The following GAP43 variants were observed in gnomAD, a reference collection of about 807,000 sequenced individuals.
GAP43 encodes the protein neuromodulin.
A neutral mutation model predicts 18.6 loss-of-function variants in GAP43; 6 were observed. The ratio of observed to expected loss-of-function variants is 0.32; its 90% confidence interval spans 0.18 to 0.64. The LOEUF (loss-of-function observed/expected upper bound fraction) is 0.64, where lower values mean the gene tolerates loss of function less well. GAP43 is among the 30% of genes least tolerant of loss of function. GAP43 has a pLI of 0.78. For missense variants in GAP43, 292 were observed against 295.5 expected (o/e 0.99, Z 0.09); for synonymous variants, 115 against 111.4 (o/e 1.03, Z -0.20).
chr3:115,668,240 G>A (rs540781940), intron 1 of GAP43, among the ~76,000 whole-genome samples: 20 of 152,192 alleles, frequency 1.3e-4, no homozygotes, highest in African/African-American at 4.6e-4. Flanking sequence ...CATGATTAAC[G>A]TGCCTCATCG....
chr3:115,684,803 G>A (rs1295381802), intron 2 of GAP43, among the ~76,000 whole-genome samples: 1 of 152,082 alleles, frequency 6.6e-6, no homozygotes. Flanking sequence ...GCTAATTAGG[G>A]GAACATTATC....
intron 1 of GAP43, among the ~76,000 whole-genome samples, chr3:115,648,730 A>G (rs1200393131): frequency 6.6e-6 from 1 of 152,122 alleles, no homozygotes; most frequent in East Asian, 1.9e-4. Context: ...GAAAAGAGCT[A>G]AGAGAAGGGC....
intron 2 of GAP43, among the ~76,000 whole-genome samples, chr3:115,707,772 G>T (rs1709383076): frequency 6.6e-6 from 1 of 152,102 alleles, no homozygotes. Flanking sequence ...CAAAAAAATG[G>T]AGAATGATGG....
intron 2 of GAP43, among the ~76,000 whole-genome samples, chr3:115,689,827 CA>C (rs1280234553): frequency 6.6e-6 from 1 of 151,906 alleles, no homozygotes; most frequent in African/African-American, 2.4e-5. Flanking sequence ...AGAAATCGAT[CA>C]GGGGAGGCAG....
At chr3:115,684,807 C>T (rs1437337262) in intron 2 of GAP43, among the ~76,000 whole-genome samples, 1 of 152,144 alleles carries the variant, frequency 6.6e-6, no homozygotes, top group Non-Finnish European at 1.5e-5. Context: ...ATTAGGGGAA[C>T]ATTATCCAGG....
chr3:115,661,784 A>G (rs996183124), intron 1 of GAP43, among the ~76,000 whole-genome samples: 17 of 142,530 alleles, frequency 1.2e-4, no homozygotes, highest in African/African-American at 4.2e-4. Flanking sequence ...CACCGCACCC[A>G]GCAATATGAC....
chr3:115,641,428 A>G (rs1708394123), intron 1 of GAP43, among the ~76,000 whole-genome samples: 1 of 151,504 alleles, frequency 6.6e-6, no homozygotes, highest in Non-Finnish European at 1.5e-5. Flanking sequence ...GTGCATATAT[A>G]TACACACAGA....
chr3:115,681,910 G>A (rs1299217045), intron 2 of GAP43, among the ~76,000 whole-genome samples: 1 of 152,182 alleles, frequency 6.6e-6, no homozygotes, highest in Non-Finnish European at 1.5e-5. Flanking sequence ...CAAACCCTGA[G>A]AGTCTGAGAG....
intron 2 of GAP43, among the ~76,000 whole-genome samples, chr3:115,683,147 G>GCGCGCACACA (rs1252333447): frequency 1.3e-3 from 168 of 127,436 alleles, no homozygotes; most frequent in South Asian, 3.3e-3. Flanking sequence ...GCGCGCGCGC[G>GCGCGCACACA]CACACACACA....
chr3:115,716,717 AATATATATAT>A (rs3995850), intron 2 of GAP43, among the ~76,000 whole-genome samples: 2,512 of 43,774 alleles, frequency 0.057, 74 homozygotes, highest in South Asian at 0.12. Flanking sequence ...ATCTCAGACA[AATATATATAT>A]ATATATATAT....
intron 1 of GAP43, among the ~76,000 whole-genome samples, chr3:115,670,453 C>T (rs551749836): frequency 5.3e-5 from 8 of 152,198 alleles, no homozygotes; most frequent in East Asian, 3.9e-4. Flanking sequence ...GCACCGAAAC[C>T]GGCAGTGACA....
chr3:115,712,443 T>C (rs1709453514), intron 2 of GAP43, among the ~76,000 whole-genome samples: 1 of 152,112 alleles, frequency 6.6e-6, no homozygotes, highest in South Asian at 2.1e-4. Flanking sequence ...CTATTAAAAC[T>C]TGGCAGCTAG....
At chr3:115,690,204 C>T (rs1421238960) in intron 2 of GAP43, among the ~76,000 whole-genome samples, 1 of 152,152 alleles carries the variant, frequency 6.6e-6, no homozygotes, top group Non-Finnish European at 1.5e-5. Context: ...GGGCACAGCT[C>T]CCCTAGGAGA....
At chr3:115,664,929 G>A (rs180896907) in intron 1 of GAP43, among the ~76,000 whole-genome samples, 4 of 152,124 alleles carry the variant, frequency 2.6e-5, no homozygotes, top group Admixed American at 2.6e-4. Flanking sequence ...TTCTACATGT[G>A]GAAGAATACA....
At chr3:115,640,044 GAAAT>G (rs1708376893) in intron 1 of GAP43, among the ~76,000 whole-genome samples, 1 of 151,980 alleles carries the variant, frequency 6.6e-6, no homozygotes, top group South Asian at 2.1e-4. Context: ...TTTTTTTCAG[GAAAT>G]GTTAGTCTAA....
intron 1 of GAP43, chr3:115,663,728 C>T: frequency 6.5e-7 from 1 of 1,543,122 alleles, no homozygotes; most frequent in East Asian, 2.4e-5. Context: ...GACAGCTCTA[C>T]AGCCTAGTCT....
At chr3:115,674,649 G>T (rs28399385) in intron 1 of GAP43, among the ~76,000 whole-genome samples, 16 of 152,180 alleles carry the variant, frequency 1.1e-4, no homozygotes, top group African/African-American at 3.9e-4. Flanking sequence ...AGGAGAAACA[G>T]TGTTTCCCAT....
intron 1 of GAP43, among the ~76,000 whole-genome samples, chr3:115,654,510 C>A (rs1708557258): frequency 3.9e-5 from 6 of 152,110 alleles, no homozygotes; most frequent in Admixed American, 3.9e-4. Flanking sequence ...ACACTATGTT[C>A]CTGAGTCAGA....
chr3:115,661,830 G>GTTTTTTTTTTTTT (rs1576986136), intron 1 of GAP43, among the ~76,000 whole-genome samples: 7 of 28,638 alleles, frequency 2.4e-4, no homozygotes, highest in East Asian at 1.3e-3. Flanking sequence ...AGAAACTAGG[G>GTTTTTTTTTTTTT]CTTTTTTTTT....
Sources: gnomAD v4.1 joint callset for allele counts (sites outside exome capture counted in the v4.1 genomes callset) on GRCh38, gnomAD v4.1.1 for gene constraint, MANE v1.5 for transcripts, NCBI Gene and HGNC (gene_info 2026-07-23, HGNC 2026-07-21) for gene names.